Variants in FANCC observed in about 807,000 individuals in gnomAD.
FANCC encodes the protein FA complementation group C.
FANCC carries 55 observed loss-of-function variants against 71.3 expected under a neutral mutation model. The observed-to-expected ratio is 0.77, with a 90% CI of 0.62 to 0.97. FANCC has a LOEUF of 0.97. Ranked by LOEUF, FANCC falls within the 50% of genes least tolerant of loss-of-function variation. The probability of loss-of-function intolerance (pLI) is 0.00; values close to 1 mark genes in which losing one functional copy is unlikely to be tolerated. For synonymous variants in FANCC, 275 were observed against 244.9 expected (o/e 1.12, Z -1.15); for missense variants, 678 against 670.9 (o/e 1.01, Z -0.12).
chr9:95,240,578 AT>A, intron 4 of FANCC, 70 bp downstream of exon 4: 4 of 1,209,350 alleles, frequency 3.3e-6, no homozygotes, highest in Non-Finnish European at 4.9e-6. Context: ...CCACCCCAAA[AT>A]TTTTTTAAGC....
At chr9:95,247,581 AT>A (rs1831068545) in intron 2 of FANCC, 65 bp from the exon 3 acceptor site, 1 of 1,026,014 alleles carries the variant, frequency 9.7e-7, no homozygotes, top group South Asian at 1.3e-5. Context: ...CTGAACTGAC[AT>A]TATAGATTGA....
At chr9:95,215,810 C>T (rs975378508) in intron 4 of FANCC, among the ~76,000 whole-genome samples, 4 of 152,182 alleles carry the variant, frequency 2.6e-5, no homozygotes, top group African/African-American at 4.8e-5. Flanking sequence ...GGAGTAAGCA[C>T]GGAGGTGACT....
At chr9:95,128,880 G>T (rs1416857294) in intron 8 of FANCC, among the ~76,000 whole-genome samples, 2 of 151,890 alleles carry the variant, frequency 1.3e-5, no homozygotes, top group East Asian at 3.9e-4. Flanking sequence ...AACAGCAACG[G>T]CAGAGATTTT....
At chr9:95,250,816 C>G (rs1051600382) in intron 1 of FANCC, among the ~76,000 whole-genome samples, 1 of 152,220 alleles carries the variant, frequency 6.6e-6, no homozygotes, top group Non-Finnish European at 1.5e-5. Context: ...TGGGCCTGCC[C>G]GTCTCCAATT....
chr9:95,265,509 G>A (rs979711801), intron 1 of FANCC, among the ~76,000 whole-genome samples: 4 of 152,046 alleles, frequency 2.6e-5, no homozygotes, highest in Admixed American at 6.6e-5. Flanking sequence ...GCCATCATTC[G>A]GACTTGAAAA....
intron 1 of FANCC, chr9:95,292,676 C>A: frequency 7.5e-7 from 1 of 1,330,224 alleles, no homozygotes; most frequent in Non-Finnish European, 1.1e-6. Flanking sequence ...TGCAGTATAG[C>A]ACAGTCAATC....
chr9:95,167,857 T>C (rs1447576973), intron 6 of FANCC, among the ~76,000 whole-genome samples: 1 of 152,210 alleles, frequency 6.6e-6, no homozygotes, highest in East Asian at 1.9e-4. Context: ...CATCCCTTGA[T>C]TATGCCACGT....
intron 8 of FANCC, among the ~76,000 whole-genome samples, chr9:95,131,331 A>G (rs1049402271): frequency 3.3e-5 from 5 of 152,228 alleles, no homozygotes; most frequent in African/African-American, 1.2e-4. Context: ...GCTGGAAGAA[A>G]GCTCCTCAGC....
chr9:95,135,185 CT>C (rs1471892053), intron 8 of FANCC, among the ~76,000 whole-genome samples, 160 bp downstream of exon 8: 2 of 152,132 alleles, frequency 1.3e-5, no homozygotes, highest in African/African-American at 4.8e-5. Flanking sequence ...GAAAAGCCCC[CT>C]ATGTTAGTGA....
chr9:95,132,474 C>A (rs962842152), intron 8 of FANCC, among the ~76,000 whole-genome samples: 3 of 152,124 alleles, frequency 2.0e-5, no homozygotes, highest in African/African-American at 7.2e-5. Context: ...TCTTCCCGTG[C>A]CCATGCTGTC....
At position 95,193,356 on chromosome 9, in the gene FANCC, A is replaced by C. The variant is rs1405704159; in HGVS notation, c.346-21209T>G. Among the ~76,000 whole-genome samples, 5 of 152,150 alleles carry C rather than the reference A, an allele frequency of 3.3e-5. No homozygotes were observed. In the East Asian group the frequency reaches 9.6e-4, roughly 29 times the overall value. ...CCCAGACTCTAGCTAGGCCATGGCGAGCAGAAGAAGGAGTGCTATGAGATG... is the reference window on the plus strand; with the variant it reads ...CCCAGACTCTAGCTAGGCCATGGCGCGCAGAAGAAGGAGTGCTATGAGATG... On this transcript the variant is annotated intron_variant, in intron 4 of 14. Transcript: ENST00000289081.
intron 1 of FANCC, among the ~76,000 whole-genome samples, chr9:95,315,741 C>T (rs1835701004): frequency 6.6e-6 from 1 of 152,248 alleles, no homozygotes; most frequent in Admixed American, 6.5e-5. Context: ...ACACTACCAA[C>T]TTGGAACTAC....
intron 6 of FANCC, among the ~76,000 whole-genome samples, chr9:95,153,440 G>A (rs557051949): frequency 6.6e-6 from 1 of 152,192 alleles, no homozygotes; most frequent in South Asian, 2.1e-4. Flanking sequence ...TTCCATAGAG[G>A]TTGCACTAAT....
chr9:95,300,167 T>C (rs1408955998), intron 1 of FANCC, among the ~76,000 whole-genome samples: 2 of 152,222 alleles, frequency 1.3e-5, no homozygotes, highest in Admixed American at 1.3e-4. Flanking sequence ...AGTATCGTAT[T>C]TACCCCCACC....
chr9:95,190,860 G>T (rs1434944112), intron 4 of FANCC, among the ~76,000 whole-genome samples: 1 of 152,210 alleles, frequency 6.6e-6, no homozygotes, highest in Non-Finnish European at 1.5e-5. Flanking sequence ...ACAGTCCCAT[G>T]ATTTTAGATG....
intron 1 of FANCC, among the ~76,000 whole-genome samples, chr9:95,282,185 T>C (rs1305640196): frequency 1.3e-5 from 2 of 151,988 alleles, no homozygotes; most frequent in Non-Finnish European, 2.9e-5. Context: ...CCTATAAGGA[T>C]ACACATAGAC....
chr9:95,186,463 TA>T (rs1826716461), intron 4 of FANCC: 1 of 152,246 alleles, frequency 6.6e-6, no homozygotes, highest in African/African-American at 2.4e-5. Context: ...AGCTCTTCTT[TA>T]AACACACACC....
Position 95,150,069 on chromosome 9 carries a change from C to T in FANCC, c.540G>A (p.Val180=), listed in dbSNP as rs2135428712. 6.2e-7 allele frequency: 1 copy of T among 1,614,108 alleles called. No individual in the cohort carries two copies. Among genetic ancestry groups the T allele is most frequent in the Non-Finnish European group, 8.5e-7 (1 of 1,180,022 alleles). ...NTQRRMAPER[V]ASLSRVCVPL... ...GGACACAAACTCGTGACAGGGACGC[C>T]ACTCGCTCGGGAGCCATTCTATGGA... The change falls in exon 7 of 15, where the codon GTG becomes GTA. Residue 180 remains valine, a synonymous_variant. Coordinates refer to ENST00000289081, the MANE Select transcript of FANCC (RefSeq NM_000136.3).
chr9:95,182,078 C>A (rs1826408240), intron 4 of FANCC, among the ~76,000 whole-genome samples: 1 of 152,082 alleles, frequency 6.6e-6, no homozygotes, highest in Non-Finnish European at 1.5e-5. Flanking sequence ...GCTAGGAGAG[C>A]CAAACTGTGG....
Sources: allele counts gnomAD v4.1 joint callset (sites outside exome capture counted in the v4.1 genomes callset), GRCh38; gene constraint gnomAD v4.1.1; transcripts MANE v1.5; gene names NCBI Gene and HGNC (gene_info 2026-07-23, HGNC 2026-07-21).